COPA: variants seen among roughly 807,000 people sequenced by gnomAD.
The protein encoded by COPA is coatomer subunit alpha.
A neutral mutation model predicts 158.7 loss-of-function variants in COPA; 10 were observed. The ratio of observed to expected loss-of-function variants is 0.06; its 90% CI spans 0.04 to 0.11. The LOEUF is 0.11. Among genes scored for constraint, COPA ranks in the 10% least tolerant of loss-of-function variants. The pLI is 1.00. For synonymous variants in COPA, 462 were observed against 542.8 expected (o/e 0.85, Z 2.07); for missense variants, 1,065 against 1,536.7 (o/e 0.69, Z 5.13).
Position 160,325,486 on chromosome 1 carries a change from C to T in COPA, c.606+57G>A, listed in dbSNP as rs1253517024. 3.6e-6 allele frequency: 5 copies of T among 1,381,592 alleles called. No homozygotes were observed. The African/African-American group carries it at 4.3e-5, about 12-fold the overall frequency. The allele number at this position is 1,381,592 out of a possible 1,614,324, so 85.6% of individuals were successfully genotyped here. A position where few individuals can be genotyped will look rare whatever the true frequency, so the allele number is the denominator to read the frequency against. ...AAGGAATGAATAAATGAACAACATACTGTGACTTTCCCAAGATGACAGCCC... is the reference window on the plus strand; with the variant it reads ...AAGGAATGAATAAATGAACAACATATTGTGACTTTCCCAAGATGACAGCCC... On this transcript the variant is annotated intron_variant, in intron 7 of 32. Transcript: ENST00000241704.
chr1:160,296,524 T>C (rs937217641), intron 21 of COPA, among the ~76,000 whole-genome samples: 2 of 152,196 alleles, frequency 1.3e-5, no homozygotes, highest in Admixed American at 6.5e-5. Context: ...CCAATGGCCA[T>C]TGAGTGAGTG....
chr1:160,313,369 T>C (rs1310948400), intron 9 of COPA, among the ~76,000 whole-genome samples: 1 of 152,036 alleles, frequency 6.6e-6, no homozygotes, highest in Non-Finnish European at 1.5e-5. Context: ...CATATTATTA[T>C]GATATATAGA....
chr1:160,292,154 T>G lies in COPA; in HGVS notation c.3005A>C (p.Lys1002Thr). Residue 1002 changes from lysine to threonine, a missense_variant, in exon 29 of 33, where the codon AAG becomes ACG. Lys to Thr is a moderately conservative substitution (Grantham distance 78, BLOSUM62 -1). This residue lies in a region of COPA where 980 missense variants were observed against 1,357.8 expected (regional missense o/e 0.72). Coordinates refer to ENST00000241704, the MANE Select transcript of COPA (RefSeq NM_004371.4). The stretch of plus-strand genomic sequence containing the variant: ...CAACCGTTGGATGAGGTCATTAAGC[T>G]TCAGGCCCACAGCTGGTACACCATT... ...LKNGVPAVGL[K>T]LNDLIQRLQL... The G allele has an allele frequency of 3.7e-6, 6 of 1,613,854 alleles. No homozygotes were observed. The highest frequency in any genetic ancestry group is 5.1e-6 in the Non-Finnish European group (6 of 1,180,024).
rs574456831 is a variant in COPA at position 160,313,623 on chromosome 1, C to A, written c.842+367G>T. 2.5e-4 allele frequency among the ~76,000 whole-genome samples: 38 copies of A among 152,160 alleles called. 1 individual carries two copies. In the South Asian group the frequency reaches 5.4e-3, roughly 22 times the overall value. ...TAGAGACGGGGTTTCATTGTGTTAG[C>A]CAGGATGGTCTCAATCTCCTGACCT... On this transcript the variant is annotated intron_variant, in intron 9 of 32. Transcript: ENST00000241704.
At chr1:160,327,179 G>T (rs1490066773) in intron 6 of COPA, among the ~76,000 whole-genome samples, 1 of 152,178 alleles carries the variant, frequency 6.6e-6, no homozygotes, top group African/African-American at 2.4e-5. Flanking sequence ...AAATTACCTA[G>T]CACTTGTAAA....
intron 10 of COPA, 116 bp from the exon 11 acceptor site, chr1:160,312,134 C>T (rs41265797): frequency 2.2e-6 from 2 of 916,820 alleles, no homozygotes; most frequent in South Asian, 3.8e-5. Context: ...CTGAATGCAT[C>T]CCTTATTTGC....
chr1:160,298,070 A>C (rs887361310), intron 19 of COPA, among the ~76,000 whole-genome samples: 1 of 151,802 alleles, frequency 6.6e-6, no homozygotes, highest in African/African-American at 2.4e-5. Context: ...AGTCCCACCT[A>C]CTCGGGAAGC....
chr1:160,296,730 T>C (rs1442337144), intron 21 of COPA, among the ~76,000 whole-genome samples: 1 of 152,242 alleles, frequency 6.6e-6, no homozygotes, highest in African/African-American at 2.4e-5. Flanking sequence ...AGAACTAATA[T>C]AGCTGCTTAT....
Position 160,307,192 on chromosome 1 carries a change from G to A in COPA, c.1273C>T (p.Arg425Trp), listed in dbSNP as rs1292511645. ...TGCATCCGATCTAGGACAGCAAACC[G>A]ATTTCGAGCGACCCAAACGGCTGTC... ...GLTAVWVARN[R>W]FAVLDRMHSL... is the part of the protein sequence containing the mutation. The change falls in exon 14 of 33, where the codon CGG becomes TGG. Residue 425 changes from arginine to tryptophan, a missense_variant. Arg to Trp is a moderately radical substitution (Grantham distance 101, BLOSUM62 -3). This residue lies in a region of COPA where 980 missense variants were observed against 1,357.8 expected (regional missense o/e 0.72). Coordinates refer to ENST00000241704, the MANE Select transcript of COPA (RefSeq NM_004371.4). The A allele has an allele frequency of 2.5e-6, 4 of 1,614,144 alleles. No individual in the cohort carries two copies. Among genetic ancestry groups the A allele is most frequent in the Admixed American group, 3.3e-5 (2 of 60,024 alleles).
At chr1:160,331,670 C>T (rs908164323) in intron 6 of COPA, among the ~76,000 whole-genome samples, 1 of 149,014 alleles carries the variant, frequency 6.7e-6, no homozygotes, top group African/African-American at 2.5e-5. Flanking sequence ...AAAAAACAGG[C>T]CAGCCACGGT....
rs532459630 is a variant in COPA, at chr1:160,325,567, A to G, written c.582T>C (p.Asp194=). 42 of 1,614,198 alleles carry G rather than the reference A, an allele frequency of 2.6e-5. No individual in the cohort carries two copies. The East Asian group carries it at 4.7e-4, about 18-fold the overall frequency. Residue 194 remains aspartate, a synonymous_variant, in exon 7 of 33, where the codon GAT becomes GAC. Transcript: ENST00000241704. ...ITGVDLFGTT[D]AVVKHVLEGH... ...CCTCTAGTACATGCTTCACCACTGC[A>G]TCTGTAGTTCCAAATAGATCAACCC...
intron 17 of COPA, among the ~76,000 whole-genome samples, chr1:160,301,432 A>C (rs1428739544): frequency 6.6e-6 from 1 of 152,200 alleles, no homozygotes; most frequent in African/African-American, 2.4e-5. Flanking sequence ...CAAGCATGTC[A>C]AGTAAGGGAC....
chr1:160,328,933 C>A (rs1372197675), intron 6 of COPA, among the ~76,000 whole-genome samples: 1 of 150,202 alleles, frequency 6.7e-6, no homozygotes, highest in Admixed American at 6.6e-5. Flanking sequence ...GTGTCCCTTT[C>A]AAAAAAAAAT....
At chr1:160,306,289 C>G in intron 15 of COPA, 65 bp downstream of exon 15, 1 of 1,504,722 alleles carries the variant, frequency 6.6e-7, no homozygotes, top group Non-Finnish European at 8.9e-7. Flanking sequence ...AAAAAAGGTT[C>G]CCACTAAAGA....
At chr1:160,303,193 C>T (rs1557863769) in intron 17 of COPA, among the ~76,000 whole-genome samples, 1 of 151,644 alleles carries the variant, frequency 6.6e-6, no homozygotes, top group Non-Finnish European at 1.5e-5. Context: ...AGTGAGACTC[C>T]ATCTCAAAAC....
intron 8 of COPA, among the ~76,000 whole-genome samples, chr1:160,315,020 A>C (rs1235249063): frequency 6.6e-6 from 1 of 152,192 alleles, no homozygotes; most frequent in Non-Finnish European, 1.5e-5. Context: ...CTCCACAGAA[A>C]ACCCAAAACA....
At chr1:160,300,574 A>G (rs984303492) in intron 17 of COPA, among the ~76,000 whole-genome samples, 4 of 152,140 alleles carry the variant, frequency 2.6e-5, no homozygotes, top group African/African-American at 9.7e-5. Context: ...AGGAAGAATT[A>G]ATTCCAGTTG....
At chr1:160,318,405 C>T (rs570870260) in intron 8 of COPA, among the ~76,000 whole-genome samples, 1 of 131,966 alleles carries the variant, frequency 7.6e-6, no homozygotes, top group Admixed American at 8.7e-5. Context: ...TACTTTTTGG[C>T]CTGGGATATG....
Position 160,317,256 on chromosome 1 carries a change from A to G in COPA, c.707-3131T>C, listed in dbSNP as rs1348893132. ...AAAGTAGTTCTTCGATCTGAAAGAA[A>G]AAAACACTAATGTGGTAGCGGAAGT... On this transcript the variant is annotated intron_variant, in intron 8 of 32. Transcript: ENST00000241704. 8 of 729,388 alleles carry G rather than the reference A, an allele frequency of 1.1e-5. No homozygotes were observed. The East Asian group carries it at 1.5e-4, about 14-fold the overall frequency. The allele number at this position is 729,388 out of a possible 1,614,324, so 45.2% of individuals were successfully genotyped here.
Sources: gnomAD v4.1 joint callset for allele counts (sites outside exome capture counted in the v4.1 genomes callset) on GRCh38, gnomAD v4.1.1 for gene constraint, gnomAD v4.1.1 regional missense constraint, MANE v1.5 for transcripts, NCBI Gene and HGNC (gene_info 2026-07-23, HGNC 2026-07-21) for gene names.